CPNE7: variants seen among roughly 807,000 people sequenced by gnomAD.
CPNE7 encodes copine-7.
Under a neutral mutation model 66.5 loss-of-function variants are expected in CPNE7, and 78 were observed. The observed-to-expected ratio is 1.17, with a 90% CI of 0.98 to 1.42. CPNE7 has a LOEUF of 1.42. CPNE7 is among the 40% of genes most tolerant of loss of function. CPNE7 has a pLI of 0.00. For missense variants in CPNE7, 1,012 were observed against 776.6 expected, an observed-to-expected ratio of 1.30 and a Z score of -3.60; for synonymous variants, 468 against 336.7, an observed-to-expected ratio of 1.39 and a Z score of -4.27.
intron 8 of CPNE7, 143 bp downstream of exon 8, chr16:89,586,899 G>T: frequency 9.1e-7 from 1 of 1,101,310 alleles, no homozygotes; most frequent in Non-Finnish European, 1.3e-6. Context: ...GGAAGGGCGA[G>T]GTTGGGGAGA....
chr16:89,596,573 A>G lies in CPNE7; in HGVS notation c.1629A>G (p.Arg543=), dbSNP rs749365013. 2 of 1,608,624 alleles carry G rather than the reference A, an allele frequency of 1.2e-6. No homozygotes were observed. The highest frequency in any genetic ancestry group is 2.2e-5 in the South Asian group (2 of 91,036). Reference sequence around the variant, plus strand: ...ACAGCCACAGAGGCCTGCCCCCGAGAAGCCTGGGTGTCCCTGCCGGAGAGG... The same window carrying G: ...ACAGCCACAGAGGCCTGCCCCCGAGGAGCCTGGGTGTCCCTGCCGGAGAGG... ...EYYSHRGLPP[R]SLGVPAGEAS... The change falls in exon 15 of 15, where the codon AGA becomes AGG. Residue 543 remains arginine (R), a synonymous_variant. Transcript: ENST00000319518.
intron 2 of CPNE7, among the ~76,000 whole-genome samples, chr16:89,580,579 C>CGTA: frequency 6.9e-6 from 1 of 144,696 alleles, no homozygotes; most frequent in Non-Finnish European, 1.5e-5. Context: ...CGGAACATCT[C>CGTA]ACCCATCACA....
At position 89,585,773 on chromosome 16, in the gene CPNE7, T is replaced by C. The variant is rs534382241; in HGVS notation, c.768T>C (p.Phe256=). The C allele has an allele frequency of 7.7e-7, 1 of 1,294,508 alleles. No homozygotes were observed. Among genetic ancestry groups the C allele is most frequent in the Non-Finnish European group, 1.0e-6 (1 of 997,758 alleles). The allele number at this position is 1,294,508 out of a possible 1,614,324, so 80.2% of individuals were successfully genotyped here. ...CCTTCGAGGAGATGCAGAAGGCCTT[T>C]GAGGAGGGGCAGGTGAGCAGGACGG... is the stretch of plus-strand genomic sequence containing the variant. ...STTFEEMQKA[F]EEGQAQWDCV... The change falls in exon 7 of 15, where the codon TTT becomes TTC. Residue 256 remains phenylalanine (F), a synonymous_variant. Transcript: ENST00000319518.
At chr16:89,579,517 G>A (rs527771651) in intron 2 of CPNE7, among the ~76,000 whole-genome samples, 2 of 141,060 alleles carry the variant, frequency 1.4e-5, no homozygotes, top group South Asian at 2.3e-4. Context: ...CCATCACACA[G>A]AACATCCCAT....
chr16:89,596,349 C>T (rs986399214), intron 14 of CPNE7, 135 bp from the exon 15 acceptor site: 16 of 1,234,518 alleles, frequency 1.3e-5, no homozygotes, highest in Middle Eastern at 2.0e-4. Context: ...GCCCGGCACC[C>T]AGGTGAGCCT....
At chr16:89,585,579 G>A (rs371903998) in intron 6 of CPNE7, 26 bp downstream of exon 6, 4 of 1,586,426 alleles carry the variant, frequency 2.5e-6, no homozygotes, top group South Asian at 1.1e-5. Context: ...GACCAAGGGG[G>A]CAGTGAGGGG....
intron 8 of CPNE7, 143 bp downstream of exon 8, chr16:89,586,899 G>C: frequency 9.1e-7 from 1 of 1,101,310 alleles, no homozygotes; most frequent in Non-Finnish European, 1.3e-6. Context: ...GGAAGGGCGA[G>C]GTTGGGGAGA....
chr16:89,575,932 C>T lies in CPNE7; in HGVS notation c.35C>T (p.Thr12Ile). ...SAGSERGAAA[T>I]PGGLPAPCAS... ...GGCTCGGAGCGCGGGGCGGCGGCAA[C>T]CCCCGGGGGTTTGCCCGCGCCCTGC... is the stretch of plus-strand genomic sequence containing the variant. The change falls in exon 1 of 15, where the codon ACC becomes ATC. Residue 12 changes from threonine (T) to isoleucine (I), a missense_variant. By Grantham distance (89) the Thr-to-Ile change is moderately conservative (BLOSUM62 -1). Coordinates refer to ENST00000319518, the MANE Select transcript of CPNE7 (RefSeq NM_153636.3). 1.5e-6 allele frequency: 2 copies of T among 1,310,472 alleles called. No individual in the cohort carries two copies. The highest frequency in any genetic ancestry group is 9.7e-7 in the Non-Finnish European group (1 of 1,030,192). The allele number at this position is 1,310,472 out of a possible 1,614,324, so 81.2% of individuals were successfully genotyped here.
intron 14 of CPNE7, chr16:89,595,832 A>G: frequency 1.5e-6 from 1 of 667,072 alleles, no homozygotes; most frequent in Non-Finnish European, 2.8e-6. Context: ...ACACAAAAGC[A>G]GAGAACAGCA....
intron 13 of CPNE7, chr16:89,594,017 T>A (rs533268566): frequency 6.6e-6 from 1 of 152,384 alleles, no homozygotes; most frequent in African/African-American, 2.4e-5. Context: ...CACATCCGTC[T>A]GGTGTTTGTG....
intron 13 of CPNE7, 43 bp downstream of exon 13, chr16:89,591,303 G>A: frequency 6.6e-7 from 1 of 1,513,736 alleles, no homozygotes; most frequent in Non-Finnish European, 8.8e-7. Context: ...TGTGGGGTCG[G>A]CTGTGTGTGC....
intron 2 of CPNE7, among the ~76,000 whole-genome samples, chr16:89,582,925 C>A (rs573772476): frequency 2.0e-4 from 30 of 152,370 alleles, no homozygotes; most frequent in African/African-American, 6.5e-4. Context: ...GGGTCATCAC[C>A]ATCTCCTTTC....
intron 11 of CPNE7, 59 bp downstream of exon 11, chr16:89,590,010 A>G (rs2059144785): frequency 6.3e-7 from 1 of 1,588,086 alleles, no homozygotes; most frequent in Non-Finnish European, 8.6e-7. Flanking sequence ...CCTCCCAGGC[A>G]GAGGACGGCC....
Position 89,575,792 on chromosome 16 carries a change from C to A in CPNE7, c.-106C>A. 2 of 862,732 alleles carry A rather than the reference C, an allele frequency of 2.3e-6. No homozygotes were observed. Among genetic ancestry groups the A allele is most frequent in the Non-Finnish European group, 2.8e-6 (2 of 706,562 alleles). 53.4% of individuals were successfully genotyped at this position (862,732 alleles called of 1,614,324 possible). ...CGCGCCCGGCAGGCGTTCAGGGAAG[C>A]GCGGCCACGCCTGGGCCGGCCACCA... On this transcript the variant is annotated 5_prime_UTR_variant, in exon 1 of 15. Transcript: ENST00000319518.
At chr16:89,583,644 G>C in intron 2 of CPNE7, 53 bp from the exon 3 acceptor site, 1 of 1,610,308 alleles carries the variant, frequency 6.2e-7, no homozygotes, top group Non-Finnish European at 8.5e-7. Context: ...GGGTCTCCAG[G>C]GTCAGGAGCC....
At chr16:89,590,844 C>A (rs1435493275) in intron 11 of CPNE7, among the ~76,000 whole-genome samples, 163 bp from the exon 12 acceptor site, 1 of 84,686 alleles carries the variant, frequency 1.2e-5, no homozygotes, top group Non-Finnish European at 2.2e-5. Flanking sequence ...AGCAGCTGAC[C>A]GAGCCCTCTT....
intron 13 of CPNE7, among the ~76,000 whole-genome samples, chr16:89,593,650 C>T (rs1247907228): frequency 1.3e-5 from 2 of 152,224 alleles, no homozygotes; most frequent in Non-Finnish European, 2.9e-5. Flanking sequence ...CCGCGCCCGG[C>T]CTACCTCTTA....
Position 89,587,216 on chromosome 16 carries a change from AT to A in CPNE7, c.927+115del, listed in dbSNP as rs1227186662. 2.6e-5 allele frequency: 3 copies of A among 115,566 alleles called. No homozygotes were observed. In the African/African-American group the frequency reaches 6.5e-4, roughly 25 times the overall value. 7.2% of individuals were successfully genotyped at this position (115,566 alleles called of 1,614,324 possible). A position where few individuals can be genotyped will look rare whatever the true frequency, so the allele number is the denominator to read the frequency against. ...GCCCCCTCAGTCTGTGGCCCCGCCCATCCCCGCCCCCTCAGTCCGTGGCCCC... is the reference window on the plus strand; with the variant it reads ...GCCCCCTCAGTCTGTGGCCCCGCCCACCCCGCCCCCTCAGTCCGTGGCCCC... On this transcript the variant is annotated intron_variant, in intron 9 of 14. Coordinates refer to ENST00000319518, the MANE Select transcript of CPNE7 (RefSeq NM_153636.3).
Position 89,596,382 on chromosome 16 carries a change from A to G in CPNE7, c.1540-102A>G, listed in dbSNP as rs2059255572. The G allele has an allele frequency of 2.0e-6, 3 of 1,465,610 alleles. No individual in the cohort carries two copies. In the Admixed American group the frequency reaches 6.7e-5, roughly 33 times the overall value. The allele number at this position is 1,465,610 out of a possible 1,614,324, so 90.8% of individuals were successfully genotyped here. ...CCTCTGGTGGGGGTGGGTAGTCACC[A>G]CTCGGCTCTGGAGGATGAGGCCTGG... On this transcript the variant is annotated intron_variant, in intron 14 of 14. Coordinates refer to ENST00000319518, the MANE Select transcript of CPNE7 (RefSeq NM_153636.3).
Sources: allele counts gnomAD v4.1 joint callset (sites outside exome capture counted in the v4.1 genomes callset), GRCh38; gene constraint gnomAD v4.1.1; transcripts MANE v1.5; gene names NCBI Gene and HGNC (gene_info 2026-07-23, HGNC 2026-07-21).